The following EYA1 variants were observed in gnomAD, a reference collection of about 807,000 sequenced individuals.
EYA1 encodes protein phosphatase EYA1.
In EYA1, 16 loss-of-function variants were observed where a neutral mutation model predicts 82.0. The ratio of observed to expected loss-of-function variants is 0.20; its 90% confidence interval spans 0.13 to 0.30. The LOEUF is 0.30. Among genes scored for constraint, EYA1 ranks in the 10% least tolerant of loss-of-function variants. EYA1 has a pLI of 1.00. For synonymous variants in EYA1, 261 were observed against 264.4 expected, an observed-to-expected ratio of 0.99 and a Z score of 0.12; for missense variants, 633 against 730.7, an observed-to-expected ratio of 0.87 and a Z score of 1.54.
At chr8:71,543,121 T>C (rs996312822) in intron 1 of EYA1, among the ~76,000 whole-genome samples, 1 of 152,208 alleles carries the variant, frequency 6.6e-6, no homozygotes, top group Non-Finnish European at 1.5e-5. Flanking sequence ...CCCCTTCATA[T>C]GTCCAGAATG....
chr8:71,355,942 CTTTAT>C (rs74717263), intron 2 of EYA1, among the ~76,000 whole-genome samples: 8,975 of 152,088 alleles, frequency 0.059, 509 homozygotes, highest in East Asian at 0.21. Flanking sequence ...GGCCCATTTA[CTTTAT>C]TTTAAACTTT....
chr8:71,221,349 G>A (rs1260161681), intron 12 of EYA1, among the ~76,000 whole-genome samples: 1 of 152,096 alleles, frequency 6.6e-6, no homozygotes, highest in Non-Finnish European at 1.5e-5. Flanking sequence ...AAGGAACCCC[G>A]GGGGCTTAGT....
chr8:71,447,878 T>C (rs1473960202), intron 2 of EYA1, among the ~76,000 whole-genome samples: 1 of 152,188 alleles, frequency 6.6e-6, no homozygotes, highest in Non-Finnish European at 1.5e-5. Flanking sequence ...CTGATCAGGA[T>C]GGAGGTTGCT....
At chr8:71,358,126 T>C (rs1827062068) in intron 1 of EYA1, among the ~76,000 whole-genome samples, 1 of 152,150 alleles carries the variant, frequency 6.6e-6, no homozygotes, top group Non-Finnish European at 1.5e-5. Context: ...TAACATTAGC[T>C]GGAAAGTACA....
At chr8:71,215,825 C>A in intron 14 of EYA1, 97 bp from the exon 15 acceptor site, 1 of 772,764 alleles carries the variant, frequency 1.3e-6, no homozygotes, top group East Asian at 2.7e-5. Context: ...TGAATACCAG[C>A]CTCCAGATTT....
chr8:71,421,840 C>T (rs1259393540), intron 2 of EYA1, among the ~76,000 whole-genome samples: 1 of 152,118 alleles, frequency 6.6e-6, no homozygotes, highest in African/African-American at 2.4e-5. Context: ...ACTGCACCTG[C>T]AAAATGAACA....
intron 14 of EYA1, among the ~76,000 whole-genome samples, chr8:71,216,146 G>A (rs1809161952): frequency 6.6e-6 from 1 of 152,190 alleles, no homozygotes; most frequent in African/African-American, 2.4e-5. Flanking sequence ...CCTCTTGGGA[G>A]GGACTGACCT....
chr8:71,475,806 T>A (rs1274931658), intron 2 of EYA1, among the ~76,000 whole-genome samples: 3 of 152,198 alleles, frequency 2.0e-5, no homozygotes, highest in African/African-American at 7.2e-5. Context: ...ATTTTATTAC[T>A]CAGTCAATCC....
At chr8:71,296,430 C>A (rs1819600286) in intron 9 of EYA1, among the ~76,000 whole-genome samples, 2 of 150,728 alleles carry the variant, frequency 1.3e-5, no homozygotes, top group African/African-American at 2.5e-5. Context: ...CATTGTGACA[C>A]AACAATTCTA....
intron 6 of EYA1, among the ~76,000 whole-genome samples, chr8:71,320,052 C>G (rs1427012877): frequency 1.3e-5 from 2 of 152,188 alleles, no homozygotes; most frequent in Non-Finnish European, 2.9e-5. Context: ...ATTAAAATCC[C>G]CATCCTCACT....
chr8:71,215,232 G>A (rs1265548568), intron 16 of EYA1, among the ~76,000 whole-genome samples, 155 bp downstream of exon 16: 6 of 151,756 alleles, frequency 4.0e-5, no homozygotes, highest in South Asian at 2.1e-4. Context: ...TTTCTCTTAC[G>A]TCTAAATCCA....
At position 71,358,101 on chromosome 8, in the gene EYA1, A is replaced by C. The variant is rs189751118; in HGVS notation, c.-54-1590T>G. Reference sequence around the variant, plus strand: ...AAGCATTCTTTCTGTTAAATGTTAAAATACATTTCCATTTTAACATTAGCT... The same window carrying C: ...AAGCATTCTTTCTGTTAAATGTTAACATACATTTCCATTTTAACATTAGCT... On this transcript the variant is annotated intron_variant, in intron 1 of 17. Transcript: ENST00000340726. Among the ~76,000 whole-genome samples, 244 of 152,332 alleles carry C rather than the reference A, an allele frequency of 1.6e-3. 1 individual carries two copies. The highest frequency in any genetic ancestry group is 4.0e-3 in the Admixed American group (61 of 15,306).
intron 2 of EYA1, among the ~76,000 whole-genome samples, chr8:71,355,436 C>T (rs1214108822): frequency 6.6e-6 from 1 of 152,148 alleles, no homozygotes; most frequent in East Asian, 1.9e-4. Flanking sequence ...CACTTGAAAC[C>T]TATAGTCTAG....
intron 1 of EYA1, among the ~76,000 whole-genome samples, chr8:71,358,212 C>A (rs1021876304): frequency 6.6e-6 from 1 of 152,114 alleles, no homozygotes; most frequent in Non-Finnish European, 1.5e-5. Context: ...TTTAACCAAT[C>A]ATATTTAAAT....
rs112809446 is a variant in EYA1, at chr8:71,542,126, T to A, written c.-73+5738A>T. ...TGTGCAGGTTTGTTATATAGGTAAATCTGTGTCATGGGGGTTTGTTGTACT... is the reference window on the plus strand; with the variant it reads ...TGTGCAGGTTTGTTATATAGGTAAAACTGTGTCATGGGGGTTTGTTGTACT... On this transcript the variant is annotated intron_variant, in intron 1 of 18. Coordinates refer to the EYA1 transcript ENST00000643681. Among the ~76,000 whole-genome samples the A allele has an allele frequency of 1.6e-3, 247 of 152,288 alleles. 2 individuals are homozygous for A. Among genetic ancestry groups the A allele is most frequent in the African/African-American group, 5.7e-3 (236 of 41,560 alleles).
intron 2 of EYA1, among the ~76,000 whole-genome samples, chr8:71,417,704 A>G (rs1243524627): frequency 1.3e-5 from 2 of 152,196 alleles, no homozygotes; most frequent in Non-Finnish European, 2.9e-5. Flanking sequence ...ACAGCCCTCT[A>G]TAACAAAGAA....
Position 71,460,307 on chromosome 8 carries a change from C to T in EYA1, c.33+75437G>A, listed in dbSNP as rs1251094571. On this transcript the variant is annotated intron_variant, in intron 2 of 18. Transcript: ENST00000643681. Reference sequence around the variant, plus strand: ...GGCCTGCCACAGACCAAGCAACTTACACTTCTAGGGAAGTGACCTGAGCAT... The same window carrying T: ...GGCCTGCCACAGACCAAGCAACTTATACTTCTAGGGAAGTGACCTGAGCAT... 2.6e-5 allele frequency among the ~76,000 whole-genome samples: 4 copies of T among 152,208 alleles called. No homozygotes were observed. In the East Asian group the frequency reaches 7.7e-4, roughly 29 times the overall value.
intron 9 of EYA1, among the ~76,000 whole-genome samples, chr8:71,291,581 CTAAT>C (rs1819002412): frequency 2.0e-5 from 3 of 152,182 alleles, no homozygotes; most frequent in Non-Finnish European, 2.9e-5. Context: ...TTCCTAAAAA[CTAAT>C]TATCTTTTAT....
intron 2 of EYA1, among the ~76,000 whole-genome samples, chr8:71,428,656 T>C (rs1805411256): frequency 6.6e-6 from 1 of 152,198 alleles, no homozygotes; most frequent in Non-Finnish European, 1.5e-5. Flanking sequence ...CGCTGTTAAA[T>C]TTAACAAGGA....
Sources: gnomAD v4.1 joint callset for allele counts (sites outside exome capture counted in the v4.1 genomes callset) on GRCh38, gnomAD v4.1.1 for gene constraint, MANE v1.5 for transcripts, NCBI Gene and HGNC (gene_info 2026-07-23, HGNC 2026-07-21) for gene names.